Variants in CNGB1 observed in about 807,000 individuals in gnomAD.
CNGB1 encodes cyclic nucleotide-gated channel beta-1.
A neutral mutation model predicts 151.7 loss-of-function variants in CNGB1; 126 were observed. The ratio of observed to expected loss-of-function variants is 0.83; its 90% confidence interval spans 0.72 to 0.96. The LOEUF (loss-of-function observed/expected upper bound fraction) is 0.96. Among genes scored for constraint, CNGB1 ranks in the 40% least tolerant of loss-of-function variants. CNGB1 has a pLI of 0.00. For synonymous variants in CNGB1, 623 were observed against 635.1 expected, an observed-to-expected ratio of 0.98 and a Z score of 0.29; for missense variants, 1,698 against 1,627.0, an observed-to-expected ratio of 1.04 and a Z score of -0.75.
chr16:57,960,777 C>T (rs1962232055), intron 8 of CNGB1, 63 bp downstream of exon 8: 3 of 1,552,942 alleles, frequency 1.9e-6, no homozygotes, highest in Non-Finnish European at 2.6e-6. Flanking sequence ...GAGGCAGTCC[C>T]TCCTGGGGCC....
rs749626938 is a variant in CNGB1, at chr16:57,897,912, C to T, written c.2979G>A (p.Gly993=). The change falls in exon 30 of 33, where the codon GGG becomes GGA. Residue 993 remains glycine, a splice_region_variant and synonymous_variant. Transcript: ENST00000251102. The part of the protein sequence containing the change: ...YLPNDYVCKK[G]EIGREMYIIQ... ...TGATGTACATCTCACGGCCGATCTCCCCCTGAAACAAAGAAGTGACAAGTC... is the reference window on the plus strand; with the variant it reads ...TGATGTACATCTCACGGCCGATCTCTCCCTGAAACAAAGAAGTGACAAGTC... 3.0e-5 allele frequency: 49 copies of T among 1,614,010 alleles called. No homozygotes were observed. In the East Asian group the frequency reaches 9.6e-4, roughly 32 times the overall value.
At chr16:57,912,822 G>C (rs554240866) in intron 24 of CNGB1, 108 bp downstream of exon 24, 1 of 1,077,286 alleles carries the variant, frequency 9.3e-7, no homozygotes, top group South Asian at 1.3e-5. Context: ...TGTGTGTGTC[G>C]TGTGTGTGTT....
chr16:57,901,383 A>G lies in CNGB1; in HGVS notation c.2945T>C (p.Val982Ala), dbSNP rs1389262904. 8 of 1,614,062 alleles carry G rather than the reference A, an allele frequency of 5.0e-6. No homozygotes were observed. The highest frequency in any genetic ancestry group is 6.8e-6 in the Non-Finnish European group (8 of 1,180,042). The change falls in exon 29 of 33, where the codon GTC (valine) becomes GCC (alanine). Residue 982 changes from valine (V) to alanine (A), a missense_variant. Physicochemically the swap from Val to Ala is moderately conservative, Grantham distance 64. Coordinates refer to ENST00000251102, the MANE Select transcript of CNGB1 (RefSeq NM_001297.5). ...FDMLKRLRSV[V>A]YLPNDYVCKK... is the part of the protein sequence containing the mutation. ...GCACACATAGTCGTTGGGCAGGTAG[A>G]CAACAGAGCGAAGCCTCTTCAGCAT...
In CNGB1 at chr16:57,899,892, C is replaced by T. The variant is rs182988299; in HGVS notation, c.2976+1460G>A. Among the ~76,000 whole-genome samples, 62 of 152,330 alleles carry T rather than the reference C, an allele frequency of 4.1e-4. No homozygotes were observed. In the East Asian group the frequency reaches 9.5e-3, roughly 23 times the overall value. The stretch of plus-strand genomic sequence containing the variant: ...TCAGAGAGATCGCTGCCGAGCAAAA[C>T]CAGACAGCAGAGGGCGCCCTTCACA... On this transcript the variant is annotated intron_variant, in intron 29 of 32. Transcript: ENST00000251102.
intron 26 of CNGB1, 139 bp downstream of exon 26, chr16:57,904,595 C>T: frequency 8.3e-7 from 1 of 1,211,520 alleles, no homozygotes; most frequent in Non-Finnish European, 1.2e-6. Context: ...ACCAGTGCTC[C>T]AGGCTCCTGA....
intron 26 of CNGB1, 96 bp downstream of exon 26, chr16:57,904,638 C>T (rs1337314138): frequency 1.4e-5 from 22 of 1,567,648 alleles, no homozygotes; most frequent in Non-Finnish European, 1.8e-5. Context: ...CAGGCTTAAT[C>T]CAAAAGCAAC....
intron 12 of CNGB1, chr16:57,954,810 G>A (rs1440642590): frequency 7.1e-6 from 7 of 990,074 alleles, no homozygotes; most frequent in South Asian, 9.2e-5. Context: ...GTATCCTGTC[G>A]AGGTGCTGAC....
chr16:57,924,040 A>G (rs570414908), intron 17 of CNGB1, among the ~76,000 whole-genome samples: 10 of 152,172 alleles, frequency 6.6e-5, no homozygotes, highest in Non-Finnish European at 1.3e-4. Context: ...GTCTTGGCTT[A>G]TGGTGTCTAG....
intron 15 of CNGB1, among the ~76,000 whole-genome samples, chr16:57,939,881 A>G (rs544320645): frequency 3.7e-4 from 56 of 151,816 alleles, no homozygotes; most frequent in Non-Finnish European, 7.4e-4. Flanking sequence ...CGACAGCACC[A>G]CTCTTCACAG....
rs747935592 is a variant in CNGB1 at position 57,958,450 on chromosome 16, G to A, written c.797C>T (p.Ala266Val). The A allele has an allele frequency of 2.5e-6, 4 of 1,614,034 alleles. No homozygotes were observed. In the African/African-American group the frequency reaches 5.3e-5, roughly 22 times the overall value. Residue 266 changes from alanine (A) to valine (V), a missense_variant, in exon 11 of 33, where the codon GCC becomes GTC. Coordinates refer to ENST00000251102, the MANE Select transcript of CNGB1 (RefSeq NM_001297.5). ...VAWVLHRLEM[A>V]LPQPVLHGKI... ...CCCATGTAGCACTGGCTGCGGCAAG[G>A]CCATCTCCAGCCTGTGCAGGACCCA...
chr16:57,937,488 C>G (rs1182438812), intron 16 of CNGB1: 4 of 152,286 alleles, frequency 2.6e-5, no homozygotes, highest in African/African-American at 4.8e-5. Flanking sequence ...CGCTCTTGTC[C>G]CTGGAGTTCA....
At chr16:57,928,383 G>A (rs531753820) in intron 17 of CNGB1, among the ~76,000 whole-genome samples, 3 of 152,316 alleles carry the variant, frequency 2.0e-5, no homozygotes, top group Admixed American at 6.5e-5. Flanking sequence ...AGTTCATTCC[G>A]GCACATGGAG....
intron 1 of CNGB1, 95 bp from the exon 2 acceptor site, chr16:57,967,389 TTCA>T (rs1962427678): frequency 7.6e-7 from 1 of 1,322,458 alleles, no homozygotes; most frequent in Admixed American, 1.7e-5. Context: ...TTCCTTTTCC[TTCA>T]TCAACTTTAA....
intron 17 of CNGB1, among the ~76,000 whole-genome samples, chr16:57,926,670 T>C (rs1291356524): frequency 6.6e-6 from 1 of 152,104 alleles, no homozygotes; most frequent in East Asian, 1.9e-4. Flanking sequence ...CACAGGGCAC[T>C]CTCCTGAGCC....
intron 29 of CNGB1, among the ~76,000 whole-genome samples, chr16:57,899,839 CACCTCAGT>C (rs1567366999): frequency 6.6e-6 from 1 of 152,154 alleles, no homozygotes; most frequent in African/African-American, 2.4e-5. Flanking sequence ...AAGGGACCCT[CACCTCAGT>C]AACCAGTCCC....
At position 57,903,950 on chromosome 16, in the gene CNGB1, C is replaced by A. The variant is rs761875425; in HGVS notation, c.2666G>T (p.Gly889Val). The change falls in exon 27 of 33, where the codon GGA becomes GTA. Residue 889 changes from glycine to valine, a missense_variant. Transcript: ENST00000251102. ...CATGCAGCTGCGGTAGTAGGTCTGT[C>A]CGGCGGTGGCGGCCCCTACCACATC... is the stretch of plus-strand genomic sequence containing the variant. ...MRDVVGAATA[G>V]QTYYRSCMDS... 1 of 1,613,992 alleles carries A rather than the reference C, an allele frequency of 6.2e-7. No homozygotes were observed.
At chr16:57,942,676 A>G (rs1381772707) in intron 14 of CNGB1, among the ~76,000 whole-genome samples, 1 of 151,806 alleles carries the variant, frequency 6.6e-6, no homozygotes, top group African/African-American at 2.4e-5. Flanking sequence ...ACCAGCCTGA[A>G]CAACACGGCA....
At chr16:57,892,468 A>G (rs1960118858) in intron 31 of CNGB1, among the ~76,000 whole-genome samples, 1 of 152,160 alleles carries the variant, frequency 6.6e-6, no homozygotes, top group Non-Finnish European at 1.5e-5. Context: ...GCAACCAGGT[A>G]AGGTGAGTTT....
chr16:57,950,633 GT>G (rs1225008427), intron 12 of CNGB1, 93 bp from the exon 13 acceptor site: 2 of 1,341,284 alleles, frequency 1.5e-6, no homozygotes, highest in African/African-American at 2.9e-5. Flanking sequence ...AGCCCTGGCT[GT>G]CGCCAGCAGT....
Sources: allele counts gnomAD v4.1 joint callset (sites outside exome capture counted in the v4.1 genomes callset), GRCh38; gene constraint gnomAD v4.1.1; transcripts MANE v1.5; gene names NCBI Gene and HGNC (gene_info 2026-07-23, HGNC 2026-07-21).